ARAP2: variants seen among roughly 807,000 people sequenced by gnomAD.
ARAP2 encodes the protein arf-GAP with Rho-GAP domain, ANK repeat and PH domain-containing protein 2.
Under a neutral mutation model 194.5 loss-of-function variants are expected in ARAP2, and 148 were observed. That is an observed-to-expected ratio of 0.76 (90% CI 0.67 to 0.87). The LOEUF is 0.87. Among genes scored for constraint, ARAP2 ranks in the 40% least tolerant of loss-of-function variants. The pLI is 0.00. For missense variants in ARAP2, 2,128 were observed against 1,989.7 expected, an observed-to-expected ratio of 1.07 and a Z score of -1.32; for synonymous variants, 695 against 683.5, an observed-to-expected ratio of 1.02 and a Z score of -0.26.
intron 22 of ARAP2, among the ~76,000 whole-genome samples, chr4:36,123,022 C>T (rs1344831575): frequency 1.3e-5 from 2 of 151,760 alleles, no homozygotes; most frequent in East Asian, 1.9e-4. Flanking sequence ...TACCAAATTG[C>T]ATAGCAGAGA....
chr4:36,104,102 C>T (rs996017129), intron 27 of ARAP2, among the ~76,000 whole-genome samples: 1 of 151,688 alleles, frequency 6.6e-6, no homozygotes, highest in African/African-American at 2.4e-5. Context: ...GTGTAAGGTA[C>T]AAGGGATGTT....
At chr4:36,063,323 G>A (rs148469464), downstream of ARAP2, among the ~76,000 whole-genome samples, 2 of 152,118 alleles carry the variant, frequency 1.3e-5, no homozygotes, top group Admixed American at 6.5e-5. Context: ...TGGGGGGTTG[G>A]GGGAGGGATA....
exon 2 of ARAP2, chr4:36,057,973 T>G (rs932325263): frequency 2.0e-5 from 3 of 152,074 alleles, no homozygotes; most frequent in African/African-American, 7.2e-5. Flanking sequence ...GATTTACCTT[T>G]CCATCTTCTG....
chr4:36,229,602 T>C lies in ARAP2; in HGVS notation c.-116A>G, dbSNP rs1479138006. 2 of 799,516 alleles carry C rather than the reference T, an allele frequency of 2.5e-6. No homozygotes were observed. The highest frequency in any genetic ancestry group is 3.8e-6 in the Non-Finnish European group (2 of 522,242). The allele number at this position is 799,516 out of a possible 1,614,324, so 49.5% of individuals were successfully genotyped here. A position where few individuals can be genotyped will look rare whatever the true frequency, so the allele number is the denominator to read the frequency against. On this transcript the variant is annotated 5_prime_UTR_variant, in exon 2 of 33. Transcript: ENST00000303965. Reference sequence around the variant, plus strand: ...TATCAATTGTGACAGAAAAGTTTCTTAAAATGTTATTTTCTTCACAGTGAC... The same window carrying C: ...TATCAATTGTGACAGAAAAGTTTCTCAAAATGTTATTTTCTTCACAGTGAC...
At chr4:36,206,746 T>C (rs530645951) in intron 6 of ARAP2, among the ~76,000 whole-genome samples, 1 of 152,308 alleles carries the variant, frequency 6.6e-6, no homozygotes, top group Non-Finnish European at 1.5e-5. Flanking sequence ...AAGTAACACA[T>C]CTTGCTCATC....
intron 7 of ARAP2, among the ~76,000 whole-genome samples, chr4:36,191,089 C>G (rs1741788497): frequency 1.3e-5 from 2 of 152,164 alleles, no homozygotes; most frequent in Admixed American, 1.3e-4. Flanking sequence ...GAGACTGAGA[C>G]CAGACAGCAG....
intron 27 of ARAP2, among the ~76,000 whole-genome samples, chr4:36,105,843 G>A (rs1328047087): frequency 6.6e-6 from 1 of 151,888 alleles, no homozygotes; most frequent in East Asian, 1.9e-4. Flanking sequence ...TATTCATATA[G>A]CCAACCTACT....
intron 27 of ARAP2, among the ~76,000 whole-genome samples, chr4:36,097,325 T>C (rs1023097162): frequency 6.6e-6 from 1 of 152,080 alleles, no homozygotes; most frequent in Non-Finnish European, 1.5e-5. Context: ...ATGATAAATA[T>C]TATGATTTAA....
At chr4:36,126,664 G>A (rs893967535) in intron 21 of ARAP2, among the ~76,000 whole-genome samples, 1 of 151,994 alleles carries the variant, frequency 6.6e-6, no homozygotes, top group Admixed American at 6.6e-5. Flanking sequence ...GGAGTTAAAG[G>A]TTACTTGACC....
At position 36,238,143 on chromosome 4, in the gene ARAP2, C is replaced by T. The variant is rs1429259518; in HGVS notation, c.-160+6036G>A. Among the ~76,000 whole-genome samples the T allele has an allele frequency of 2.0e-5, 3 of 152,310 alleles. No homozygotes were observed. The East Asian group carries it at 5.8e-4, about 29-fold the overall frequency. On this transcript the variant is annotated intron_variant, in intron 1 of 32. Coordinates refer to ENST00000303965, the MANE Select transcript of ARAP2 (RefSeq NM_015230.4). ...CCCATTAAACCCCTTACAGGAAGCC[C>T]AGTTCCCTCAATGTGGTCATCTCTT...
intron 16 of ARAP2, 22 bp downstream of exon 16, chr4:36,150,878 A>G: frequency 6.2e-7 from 1 of 1,600,760 alleles, no homozygotes; most frequent in Non-Finnish European, 8.5e-7. Context: ...TTTACCTCCT[A>G]ATTGTGTAAT....
intron 13 of ARAP2, chr4:36,160,121 TAATA>T (rs1245899911): frequency 1.0e-6 from 1 of 996,210 alleles, no homozygotes; most frequent in Non-Finnish European, 1.2e-6. Context: ...TGCCTTGAAA[TAATA>T]AGCTGCCTCT....
chr4:36,033,619 T>C (rs530980334), intron 5 of ARAP2, among the ~76,000 whole-genome samples: 1 of 152,268 alleles, frequency 6.6e-6, no homozygotes, highest in East Asian at 1.9e-4. Context: ...ATATTGATTG[T>C]TTCTTTTGCT....
At chr4:36,032,900 C>T (rs146425465) in intron 5 of ARAP2, among the ~76,000 whole-genome samples, 209 of 152,278 alleles carry the variant, frequency 1.4e-3, no homozygotes, top group African/African-American at 4.8e-3. Flanking sequence ...ACATTTAGCT[C>T]CCACTTATAC....
At chr4:36,026,092 A>G (rs1256928890) in intron 5 of ARAP2, among the ~76,000 whole-genome samples, 1 of 152,192 alleles carries the variant, frequency 6.6e-6, no homozygotes, top group Non-Finnish European at 1.5e-5. Context: ...TTTCTTTCTC[A>G]CTATTTTAAA....
At chr4:36,137,381 C>G (rs1307168592) in intron 19 of ARAP2, among the ~76,000 whole-genome samples, 1 of 151,816 alleles carries the variant, frequency 6.6e-6, no homozygotes, top group Non-Finnish European at 1.5e-5. Context: ...GTACAATGAG[C>G]AGAGAATGCA....
rs187371781 is a variant in ARAP2 at position 36,187,480 on chromosome 4, C to A, written c.1649G>T (p.Arg550Ile). The change falls in exon 8 of 33, where the codon AGA becomes ATA. Residue 550 changes from arginine to isoleucine, a missense_variant. Transcript: ENST00000303965. ...DNKFEVVTTQ[R>I]TFVFRVEKEE... is the part of the protein sequence containing the mutation. ...TTTTTCTACTCTAAAAACAAAAGTT[C>A]TTTGTGTTGTAACAACTTCAAATTT... 3.3e-6 allele frequency: 5 copies of A among 1,493,000 alleles called. No homozygotes were observed. The highest frequency in any genetic ancestry group is 2.3e-5 in the East Asian group (1 of 42,716). 92.5% of individuals were successfully genotyped at this position (1,493,000 alleles called of 1,614,324 possible).
chr4:36,240,606 AT>A (rs1753326373), intron 1 of ARAP2, among the ~76,000 whole-genome samples: 1 of 152,186 alleles, frequency 6.6e-6, no homozygotes, highest in Non-Finnish European at 1.5e-5. Context: ...TCACGGGGAT[AT>A]TTTGAGGATG....
intron 32 of ARAP2, among the ~76,000 whole-genome samples, chr4:36,072,680 C>T (rs1411635194): frequency 6.7e-6 from 1 of 149,188 alleles, no homozygotes; most frequent in Non-Finnish European, 1.5e-5. Flanking sequence ...AAAAAAAACC[C>T]CAAAAAAAAC....
Sources: gnomAD v4.1 joint callset for allele counts (sites outside exome capture counted in the v4.1 genomes callset) on GRCh38, gnomAD v4.1.1 for gene constraint, MANE v1.5 for transcripts, NCBI Gene and HGNC (gene_info 2026-07-23, HGNC 2026-07-21) for gene names.